Variants in SCHIP1 observed in about 807,000 individuals in gnomAD.
SCHIP1 encodes schwannomin interacting protein 1, also known as schwannomin-interacting protein 1.
Under a neutral mutation model 29.7 loss-of-function variants are expected in SCHIP1, and 8 were observed. The observed-to-expected ratio is 0.27, with a 90% confidence interval of 0.16 to 0.49. The LOEUF (loss-of-function observed/expected upper bound fraction) is 0.49, where lower values mean the gene tolerates loss of function less well. SCHIP1 is among the 20% of genes least tolerant of loss of function. SCHIP1 has a pLI of 0.99. For missense variants in SCHIP1, 193 were observed against 294.6 expected (o/e 0.66, Z 2.52); for synonymous variants, 76 against 94.9 (o/e 0.80, Z 1.16).
chr3:159,486,343 C>T, the SCHIP1 span, among the ~76,000 whole-genome samples: 16 of 152,306 alleles, frequency 1.1e-4, no homozygotes, highest in East Asian at 9.6e-4. Flanking sequence ...ATCCTATTCC[C>T]GGCTTCTATG....
At chr3:159,641,882 A>G in the SCHIP1 span, among the ~76,000 whole-genome samples, 3 of 152,136 alleles carry the variant, frequency 2.0e-5, no homozygotes, top group Non-Finnish European at 2.9e-5. Context: ...GAAGGAAATG[A>G]TTTTGTTATA....
At chr3:159,489,344 T>C in the SCHIP1 span, among the ~76,000 whole-genome samples, 1 of 152,230 alleles carries the variant, frequency 6.6e-6, no homozygotes, top group Non-Finnish European at 1.5e-5. Flanking sequence ...ACTATTAGCC[T>C]GATAGAAAGG....
the SCHIP1 span, among the ~76,000 whole-genome samples, chr3:159,734,659 G>A: frequency 6.6e-6 from 1 of 151,984 alleles, no homozygotes; most frequent in Non-Finnish European, 1.5e-5. Flanking sequence ...CATAACCATA[G>A]GCAAATTACT....
chr3:159,852,467 G>C (rs1712772627), intron 1 of SCHIP1, among the ~76,000 whole-genome samples: 1 of 152,136 alleles, frequency 6.6e-6, no homozygotes, highest in African/African-American at 2.4e-5. Context: ...CTGCTTGTCT[G>C]CTTCTTGCAC....
chr3:159,772,930 G>A, the SCHIP1 span, among the ~76,000 whole-genome samples: 2 of 152,014 alleles, frequency 1.3e-5, no homozygotes, highest in Admixed American at 6.6e-5. Flanking sequence ...TACTAGAGAC[G>A]GGATTTCACT....
chr3:159,720,076 T>C, the SCHIP1 span, among the ~76,000 whole-genome samples: 2 of 152,076 alleles, frequency 1.3e-5, no homozygotes, highest in Non-Finnish European at 2.9e-5. Context: ...ATGTCCTTTG[T>C]AGGGACATTG....
the SCHIP1 span, among the ~76,000 whole-genome samples, chr3:159,717,528 T>TA: frequency 0.012 from 1,850 of 151,976 alleles, 41 homozygotes; most frequent in African/African-American, 0.042. Context: ...ATAGGCACAA[T>TA]AAAAAATGAT....
chr3:159,288,619 C>T, the SCHIP1 span, among the ~76,000 whole-genome samples: 1 of 152,180 alleles, frequency 6.6e-6, no homozygotes, highest in African/African-American at 2.4e-5. Context: ...TGCCTATAAT[C>T]CCAGCTACTC....
chr3:159,472,808 T>C, the SCHIP1 span, among the ~76,000 whole-genome samples: 2 of 152,150 alleles, frequency 1.3e-5, no homozygotes, highest in Non-Finnish European at 2.9e-5. Context: ...ATGGGTGTGC[T>C]GTATGAGTGT....
At chr3:159,574,823 C>T in the SCHIP1 span, among the ~76,000 whole-genome samples, 7 of 152,342 alleles carry the variant, frequency 4.6e-5, no homozygotes, top group African/African-American at 9.6e-5. Flanking sequence ...CAATGGCAGA[C>T]GCCCCTCCCC....
the SCHIP1 span, among the ~76,000 whole-genome samples, chr3:159,638,182 C>T: frequency 6.6e-6 from 1 of 152,042 alleles, no homozygotes; most frequent in Non-Finnish European, 1.5e-5. Flanking sequence ...TAATGAGATA[C>T]ACCTACATGA....
At chr3:159,319,334 G>A in the SCHIP1 span, among the ~76,000 whole-genome samples, 1 of 152,162 alleles carries the variant, frequency 6.6e-6, no homozygotes, top group Non-Finnish European at 1.5e-5. Context: ...ATACTTGTGA[G>A]CAGCAATAAA....
the SCHIP1 span, among the ~76,000 whole-genome samples, chr3:159,525,243 A>G: frequency 1.2e-4 from 18 of 152,318 alleles, no homozygotes; most frequent in African/African-American, 4.3e-4. Flanking sequence ...CCAATTTCTA[A>G]TACACGATAT....
the SCHIP1 span, among the ~76,000 whole-genome samples, chr3:159,456,013 G>T: frequency 7.2e-5 from 11 of 152,306 alleles, no homozygotes; most frequent in South Asian, 1.7e-3. Flanking sequence ...CGGCTGAGCA[G>T]TATTAAGTCT....
the SCHIP1 span, among the ~76,000 whole-genome samples, chr3:159,477,438 C>T: frequency 6.6e-6 from 1 of 152,248 alleles, no homozygotes; most frequent in South Asian, 2.1e-4. Context: ...GAACTTTCAC[C>T]AACACTTGCT....
chr3:159,390,160 C>G, the SCHIP1 span, among the ~76,000 whole-genome samples: 1 of 151,882 alleles, frequency 6.6e-6, no homozygotes, highest in Non-Finnish European at 1.5e-5. Flanking sequence ...GAATTTAGAA[C>G]AAACTTTGAT....
the SCHIP1 span, among the ~76,000 whole-genome samples, chr3:159,566,817 A>C: frequency 6.6e-6 from 1 of 152,316 alleles, no homozygotes; most frequent in East Asian, 1.9e-4. Context: ...TACCTCCCTA[A>C]GTACATGTGC....
the SCHIP1 span, among the ~76,000 whole-genome samples, chr3:159,746,962 C>T: frequency 2.0e-5 from 3 of 152,204 alleles, no homozygotes; most frequent in Non-Finnish European, 4.4e-5. Flanking sequence ...CTCTCCAATA[C>T]CTTTTCCATA....
At chr3:159,613,153 G>T in the SCHIP1 span, among the ~76,000 whole-genome samples, 1 of 152,082 alleles carries the variant, frequency 6.6e-6, no homozygotes, top group South Asian at 2.1e-4. Context: ...CAAAAAAATT[G>T]ATTTACTGTA....
Sources: allele counts gnomAD v4.1 joint callset (sites outside exome capture counted in the v4.1 genomes callset), GRCh38; gene constraint gnomAD v4.1.1; transcripts MANE v1.5; gene names NCBI Gene and HGNC (gene_info 2026-07-23, HGNC 2026-07-21).